Variants in PRKCB observed in about 807,000 individuals in gnomAD.
PRKCB encodes the protein protein kinase C beta type.
In PRKCB, 13 loss-of-function variants were observed where a neutral mutation model predicts 81.5. That is an observed-to-expected ratio of 0.16 (90% CI 0.10 to 0.25). The LOEUF is 0.25. PRKCB is among the 10% of genes least tolerant of loss of function. The probability of loss-of-function intolerance (pLI) is 1.00; values close to 1 mark genes in which losing one functional copy is unlikely to be tolerated. For synonymous variants in PRKCB, 335 were observed against 321.4 expected (o/e 1.04, Z -0.45); for missense variants, 509 against 875.7 (o/e 0.58, Z 5.29).
chr16:24,094,314 C>T lies in PRKCB; in HGVS notation c.821+17C>T. On this transcript the variant is annotated intron_variant, in intron 7 of 16. Transcript: ENST00000643927. ...TGATGGCTGGTAAGTAAGATTTTGC[C>T]TTGAAAGCTACCATACAGCTTGCTC... is the stretch of plus-strand genomic sequence containing the variant. The T allele has an allele frequency of 1.2e-6, 2 of 1,613,380 alleles. No individual in the cohort carries two copies. Among genetic ancestry groups the T allele is most frequent in the Non-Finnish European group, 1.7e-6 (2 of 1,179,724 alleles).
intron 2 of PRKCB, among the ~76,000 whole-genome samples, chr16:23,987,300 C>A (rs142374450): frequency 4.0e-5 from 6 of 151,388 alleles, no homozygotes; most frequent in Non-Finnish European, 8.8e-5. Context: ...CGTTTCTCGT[C>A]CTATTTTCTC....
rs1360025659 is a variant in PRKCB at position 24,217,885 on chromosome 16, T to C, written c.*3069T>C. On this transcript the variant is annotated 3_prime_UTR_variant, in exon 17 of 17. Transcript: ENST00000643927. ...TAACACAGTTCAGTTCATACAGGGGTTCAAAAGGGACAGTGGCCCATTTGG... is the reference window on the plus strand; with the variant it reads ...TAACACAGTTCAGTTCATACAGGGGCTCAAAAGGGACAGTGGCCCATTTGG... 1.4e-5 allele frequency: 14 copies of C among 985,276 alleles called. No individual in the cohort carries two copies. The highest frequency in any genetic ancestry group is 1.6e-5 in the Non-Finnish European group (13 of 829,928). 61.0% of individuals were successfully genotyped at this position (985,276 alleles called of 1,614,324 possible). A position where few individuals can be genotyped will look rare whatever the true frequency, so the allele number is the denominator to read the frequency against.
chr16:24,069,858 C>G (rs1055281997), intron 5 of PRKCB, among the ~76,000 whole-genome samples: 1 of 152,208 alleles, frequency 6.6e-6, no homozygotes, highest in African/African-American at 2.4e-5. Context: ...CCTGTATATT[C>G]TCTCTGGGCT....
intron 3 of PRKCB, among the ~76,000 whole-genome samples, chr16:23,988,804 T>C (rs1426916495): frequency 6.6e-6 from 1 of 152,094 alleles, no homozygotes; most frequent in Non-Finnish European, 1.5e-5. Flanking sequence ...TTGTCTACTA[T>C]GATTTTGCTA....
intron 9 of PRKCB, chr16:24,151,821 C>T (rs1334305492): frequency 8.8e-6 from 4 of 455,858 alleles, no homozygotes; most frequent in Non-Finnish European, 1.8e-5. Context: ...AAGTTAATCT[C>T]CCTGAGCCTC....
chr16:24,117,364 A>G (rs1244102031), intron 8 of PRKCB, among the ~76,000 whole-genome samples: 1 of 152,186 alleles, frequency 6.6e-6, no homozygotes, highest in Non-Finnish European at 1.5e-5. Context: ...CTTTCAGTCG[A>G]CCGTGGGCTT....
At chr16:23,913,867 C>A (rs967983682) in intron 2 of PRKCB, among the ~76,000 whole-genome samples, 1 of 152,222 alleles carries the variant, frequency 6.6e-6, no homozygotes, top group Non-Finnish European at 1.5e-5. Context: ...GGGACTGTTG[C>A]TGCTCCTCTG....
At chr16:24,191,008 T>A in intron 15 of PRKCB, 82 bp from the exon 16 acceptor site, 1 of 1,458,176 alleles carries the variant, frequency 6.9e-7, no homozygotes, top group Non-Finnish European at 9.4e-7. Context: ...TCTTTCCTAA[T>A]GCATTGGAGT....
At chr16:23,925,110 A>G (rs773903195) in intron 2 of PRKCB, among the ~76,000 whole-genome samples, 6 of 152,100 alleles carry the variant, frequency 3.9e-5, no homozygotes, top group Non-Finnish European at 8.8e-5. Context: ...TTACCTCAAT[A>G]TGACCCCTCA....
Position 23,859,885 on chromosome 16 carries a change from A to AAGAGAG in PRKCB, c.205+22487_205+22492dup, listed in dbSNP as rs149041927. 1.2e-3 allele frequency among the ~76,000 whole-genome samples: 178 copies of AAGAGAG among 146,276 alleles called. 1 individual carries two copies. The highest frequency in any genetic ancestry group is 4.0e-3 in the African/African-American group (157 of 39,126). ...CAGCATTAGGAGAGAGAGAGAGAGA[A>AAGAGAG]AGAGAGAGAGAGAAAGAGAGAGAGC... On this transcript the variant is annotated intron_variant, in intron 2 of 16. Transcript: ENST00000643927.
chr16:24,111,140 C>G (rs1341814152), intron 7 of PRKCB: 4 of 152,090 alleles, frequency 2.6e-5, no homozygotes, highest in Admixed American at 6.5e-5. Context: ...TACAGATGCT[C>G]TCTTGTTTTT....
intron 8 of PRKCB, among the ~76,000 whole-genome samples, chr16:24,123,208 T>A (rs8062440): frequency 0.069 from 10,518 of 152,086 alleles, 515 homozygotes; most frequent in African/African-American, 0.13. Flanking sequence ...AACCCCAAGC[T>A]GGGTTGCTGA....
At chr16:23,845,930 A>AAG (rs963841793) in intron 2 of PRKCB, among the ~76,000 whole-genome samples, 2 of 152,182 alleles carry the variant, frequency 1.3e-5, no homozygotes, top group African/African-American at 4.8e-5. Context: ...AATAAATAAA[A>AAG]AGAGAGAGCA....
chr16:24,088,326 G>T (rs138824291), intron 5 of PRKCB, among the ~76,000 whole-genome samples: 4 of 152,256 alleles, frequency 2.6e-5, no homozygotes, highest in Non-Finnish European at 5.9e-5. Context: ...CTTTGGTAGA[G>T]AATAAGCTCA....
At chr16:23,993,746 T>C (rs72779925) in intron 3 of PRKCB, among the ~76,000 whole-genome samples, 1 of 152,290 alleles carries the variant, frequency 6.6e-6, no homozygotes, top group Non-Finnish European at 1.5e-5. Flanking sequence ...AAAGGCAAGG[T>C]AGGTGCGGTT....
chr16:23,843,560 C>T (rs944840209), intron 2 of PRKCB, among the ~76,000 whole-genome samples: 7 of 151,932 alleles, frequency 4.6e-5, no homozygotes, highest in African/African-American at 1.5e-4. Context: ...GAGGCAACAA[C>T]GAATTCATTT....
At chr16:24,141,694 G>T (rs1268657492) in intron 9 of PRKCB, among the ~76,000 whole-genome samples, 1 of 152,200 alleles carries the variant, frequency 6.6e-6, no homozygotes, top group Admixed American at 6.5e-5. Flanking sequence ...GATTTTAGAA[G>T]TTGACAGACG....
intron 2 of PRKCB, among the ~76,000 whole-genome samples, chr16:23,982,205 C>T (rs1337724586): frequency 2.0e-5 from 1 of 50,698 alleles, no homozygotes; most frequent in Non-Finnish European, 4.0e-5. Flanking sequence ...CCTTCCCCTT[C>T]CCTTCCCCTT....
intron 5 of PRKCB, among the ~76,000 whole-genome samples, chr16:24,069,970 G>A (rs1401991183): frequency 6.6e-6 from 1 of 152,016 alleles, no homozygotes; most frequent in African/African-American, 2.4e-5. Flanking sequence ...CACTGTGCTG[G>A]GCTATGGCGT....
Sources: gnomAD v4.1 joint callset for allele counts (sites outside exome capture counted in the v4.1 genomes callset) on GRCh38, gnomAD v4.1.1 for gene constraint, MANE v1.5 for transcripts, NCBI Gene and HGNC (gene_info 2026-07-23, HGNC 2026-07-21) for gene names.